SEMA6A: variants seen among roughly 807,000 people sequenced by gnomAD.
SEMA6A encodes the protein semaphorin-6A.
A neutral mutation model predicts 96.8 loss-of-function variants in SEMA6A; 25 were observed. The ratio of observed to expected loss-of-function variants is 0.26; its 90% CI spans 0.19 to 0.36. The LOEUF (loss-of-function observed/expected upper bound fraction) is 0.36. Ranked by LOEUF, SEMA6A falls within the 10% of genes least tolerant of loss-of-function variation. The probability of loss-of-function intolerance (pLI) is 1.00; values close to 1 mark genes in which losing one functional copy is unlikely to be tolerated. For synonymous variants in SEMA6A, 612 were observed against 518.0 expected, an observed-to-expected ratio of 1.18 and a Z score of -2.46; for missense variants, 1,363 against 1,323.1, an observed-to-expected ratio of 1.03 and a Z score of -0.47.
intron 1 of SEMA6A, among the ~76,000 whole-genome samples, chr5:116,525,798 A>T (rs1039853220): frequency 2.0e-5 from 3 of 152,192 alleles, no homozygotes; most frequent in African/African-American, 7.2e-5. Context: ...TCTCTTCCCA[A>T]CTGCATTACA....
chr5:116,513,142 C>A (rs1203757793), intron 1 of SEMA6A, among the ~76,000 whole-genome samples: 1 of 151,322 alleles, frequency 6.6e-6, no homozygotes, highest in Non-Finnish European at 1.5e-5. Flanking sequence ...TTTTTTTTCC[C>A]CCGCGACGGA....
intron 1 of SEMA6A, among the ~76,000 whole-genome samples, chr5:116,557,361 G>GAC (rs1760647490): frequency 1.3e-5 from 2 of 152,206 alleles, no homozygotes; most frequent in Admixed American, 1.3e-4. Context: ...ACAGGCATGA[G>GAC]ACACCACTCC....
chr5:116,450,438 G>C (rs749081271), intron 18 of SEMA6A, among the ~76,000 whole-genome samples: 15 of 152,212 alleles, frequency 9.9e-5, no homozygotes, highest in Non-Finnish European at 2.1e-4. Context: ...AAAGAGTAAA[G>C]CTAGAGCAAT....
intron 1 of SEMA6A, among the ~76,000 whole-genome samples, chr5:116,521,050 G>A (rs544556258): frequency 7.2e-5 from 11 of 152,324 alleles, no homozygotes; most frequent in African/African-American, 2.4e-4. Flanking sequence ...TGACCAGATT[G>A]TATAGGATAT....
chr5:116,501,852 A>C (rs568421723), intron 3 of SEMA6A, among the ~76,000 whole-genome samples: 2 of 152,326 alleles, frequency 1.3e-5, no homozygotes, highest in East Asian at 3.9e-4. Context: ...GCACCACTGC[A>C]CTCCAGCCTG....
rs540575380 is a variant in SEMA6A, at chr5:116,462,994, A to T, written c.1894+4589T>A. Reference sequence around the variant, plus strand: ...GAAACTTGATATCATTATCACAAATAAAAAAAAAGTGTCACTTTTCAACGA... The same window carrying T: ...GAAACTTGATATCATTATCACAAATTAAAAAAAAGTGTCACTTTTCAACGA... On this transcript the variant is annotated intron_variant, in intron 18 of 18. Coordinates refer to ENST00000343348, the MANE Select transcript of SEMA6A (RefSeq NM_020796.5). Among the ~76,000 whole-genome samples, 58 of 151,016 alleles carry T rather than the reference A, an allele frequency of 3.8e-4. 1 individual carries two copies. The South Asian group carries it at 0.011, about 29-fold the overall frequency.
intron 11 of SEMA6A, among the ~76,000 whole-genome samples, chr5:116,481,533 G>A (rs1756770251): frequency 6.6e-6 from 1 of 152,168 alleles, no homozygotes; most frequent in African/African-American, 2.4e-5. Flanking sequence ...AAGTGTACTT[G>A]GCTAGGTATG....
intron 18 of SEMA6A, among the ~76,000 whole-genome samples, chr5:116,455,260 A>C (rs1016625522): frequency 6.6e-6 from 1 of 152,192 alleles, no homozygotes; most frequent in Non-Finnish European, 1.5e-5. Flanking sequence ...GCACGGGCTG[A>C]TGTCTAGACT....
intron 1 of SEMA6A, among the ~76,000 whole-genome samples, chr5:116,527,421 T>C (rs181541799): frequency 1.3e-3 from 192 of 152,324 alleles, no homozygotes; most frequent in African/African-American, 4.3e-3. Context: ...AATGCTTCAA[T>C]ACGAGGAAAT....
At chr5:116,545,519 G>A (rs555947607) in intron 1 of SEMA6A, among the ~76,000 whole-genome samples, 4 of 152,168 alleles carry the variant, frequency 2.6e-5, no homozygotes, top group South Asian at 2.1e-4. Flanking sequence ...GTAGTGAGCC[G>A]AGATTGCGCC....
intron 15 of SEMA6A, among the ~76,000 whole-genome samples, chr5:116,477,621 G>A (rs1318669559): frequency 1.3e-5 from 2 of 152,152 alleles, no homozygotes; most frequent in Non-Finnish European, 2.9e-5. Flanking sequence ...TTTCCATTCT[G>A]TGTTTTTAAT....
chr5:116,530,458 T>A (rs1759419775), intron 1 of SEMA6A, among the ~76,000 whole-genome samples: 1 of 152,194 alleles, frequency 6.6e-6, no homozygotes. Context: ...GTCTGTGTGT[T>A]CTGGGAGGTT....
chr5:116,474,311 T>C (rs189736112), intron 16 of SEMA6A, among the ~76,000 whole-genome samples: 7 of 106,148 alleles, frequency 6.6e-5, no homozygotes, highest in African/African-American at 1.1e-4. Context: ...CACACACACA[T>C]CTTAAAACCT....
intron 6 of SEMA6A, among the ~76,000 whole-genome samples, chr5:116,493,619 G>A (rs1757436204): frequency 6.6e-6 from 1 of 152,038 alleles, no homozygotes; most frequent in South Asian, 2.1e-4. Context: ...CCCTGTTGGT[G>A]CCCATTTCCA....
At position 116,445,927 on chromosome 5, in the gene SEMA6A, G is replaced by A. The variant is rs937973386; in HGVS notation, c.*686C>T. The A allele has an allele frequency of 9.2e-5, 14 of 152,616 alleles. No homozygotes were observed. The highest frequency in any genetic ancestry group is 3.1e-4 in the African/African-American group (13 of 41,428). The allele number at this position is 152,616 out of a possible 1,614,324, so 9.5% of individuals were successfully genotyped here. A position where few individuals can be genotyped will look rare whatever the true frequency, so the allele number is the denominator to read the frequency against. On this transcript the variant is annotated 3_prime_UTR_variant, in exon 19 of 19. Transcript: ENST00000343348. ...GAACAATAAATAAAGAGTTACTTGC[G>A]TTAACGGTCACGTTATTTCATTAAA...
At chr5:116,519,118 T>C (rs554381673) in intron 1 of SEMA6A, among the ~76,000 whole-genome samples, 30 of 152,292 alleles carry the variant, frequency 2.0e-4, no homozygotes, top group African/African-American at 7.2e-4. Flanking sequence ...TTGAGTGTCG[T>C]CCAGAATCCT....
intron 1 of SEMA6A, among the ~76,000 whole-genome samples, chr5:116,515,544 T>TAAAAA (rs1758629561): frequency 6.6e-6 from 1 of 152,062 alleles, no homozygotes; most frequent in African/African-American, 2.4e-5. Context: ...ATCTGGAGAG[T>TAAAAA]GACTTTAAAG....
chr5:116,496,071 C>T, intron 5 of SEMA6A, 180 bp downstream of exon 5: 2 of 555,968 alleles, frequency 3.6e-6, no homozygotes, highest in Non-Finnish European at 6.4e-6. Context: ...TGTAATGTTT[C>T]ATCACATTAA....
chr5:116,469,925 AGT>A (rs904863808), intron 17 of SEMA6A, among the ~76,000 whole-genome samples: 1 of 152,216 alleles, frequency 6.6e-6, no homozygotes, highest in African/African-American at 2.4e-5. Flanking sequence ...CTATCACTGA[AGT>A]GTTAGTCTAA....
Sources: gnomAD v4.1 joint callset for allele counts (sites outside exome capture counted in the v4.1 genomes callset) on GRCh38, gnomAD v4.1.1 for gene constraint, MANE v1.5 for transcripts, NCBI Gene and HGNC (gene_info 2026-07-23, HGNC 2026-07-21) for gene names.